COMMD10: variants seen among roughly 807,000 people sequenced by gnomAD.
The protein encoded by COMMD10 is COMM domain containing 10.
Under a neutral mutation model 28.9 loss-of-function variants are expected in COMMD10, and 33 were observed. The ratio of observed to expected loss-of-function variants is 1.14; its 90% CI spans 0.87 to 1.53. The LOEUF (loss-of-function observed/expected upper bound fraction) is 1.53, where lower values mean the gene tolerates loss of function less well. Ranked by LOEUF, COMMD10 falls within the 40% of genes most tolerant of loss-of-function variation. The pLI is 0.00. For synonymous variants in COMMD10, 110 were observed against 81.7 expected (o/e 1.35, Z -1.87); for missense variants, 310 against 233.4 (o/e 1.33, Z -2.14).
At position 116,175,491 on chromosome 5, in the gene COMMD10, A is replaced by G. The variant is rs576741906; in HGVS notation, c.510+41313A>G. ...TATGGCAGTTCATAAAAAATTATAC[A>G]TAGAATTACCATATGACCTAGCATT... On this transcript the variant is annotated intron_variant, in intron 5 of 6. Transcript: ENST00000274458. Among the ~76,000 whole-genome samples, 5 of 152,290 alleles carry G rather than the reference A, an allele frequency of 3.3e-5. 1 individual carries two copies. Among genetic ancestry groups the G allele is most frequent in the South Asian group, 2.1e-4 (1 of 4,822 alleles).
chr5:116,283,624 G>A (rs1751134921), intron 5 of COMMD10, among the ~76,000 whole-genome samples: 1 of 151,610 alleles, frequency 6.6e-6, no homozygotes, highest in African/African-American at 2.4e-5. Context: ...TGGTATTACA[G>A]GCTTAAGCCT....
At position 116,240,081 on chromosome 5, in the gene COMMD10, G is replaced by A. The variant is rs373693251; in HGVS notation, c.511-51436G>A. ...AAGTGAGCACAAGGACAGACAGGCAGAAAATAGTAGATCACTATGTGAGGC... is the reference window on the plus strand; with the variant it reads ...AAGTGAGCACAAGGACAGACAGGCAAAAAATAGTAGATCACTATGTGAGGC... On this transcript the variant is annotated intron_variant, in intron 5 of 6. Transcript: ENST00000274458. Among the ~76,000 whole-genome samples, 12 of 152,248 alleles carry A rather than the reference G, an allele frequency of 7.9e-5. No homozygotes were observed. In the East Asian group the frequency reaches 2.1e-3, roughly 27 times the overall value.
intron 4 of COMMD10, among the ~76,000 whole-genome samples, chr5:116,111,931 T>C (rs1751057106): frequency 6.6e-6 from 1 of 152,218 alleles, no homozygotes; most frequent in Non-Finnish European, 1.5e-5. Context: ...ATTTGTTTTA[T>C]GAATTTGGGT....
At chr5:116,181,113 C>A (rs921365464) in intron 5 of COMMD10, among the ~76,000 whole-genome samples, 2 of 152,014 alleles carry the variant, frequency 1.3e-5, no homozygotes, top group African/African-American at 4.8e-5. Flanking sequence ...CACTGTACTT[C>A]AGCCTGGGCG....
intron 5 of COMMD10, among the ~76,000 whole-genome samples, chr5:116,244,218 T>G (rs1325471852): frequency 2.6e-5 from 4 of 152,146 alleles, no homozygotes. Flanking sequence ...TTCATTTTTT[T>G]TCTTTTTTAA....
chr5:116,221,888 G>A (rs1749269551), intron 5 of COMMD10, among the ~76,000 whole-genome samples: 1 of 152,144 alleles, frequency 6.6e-6, no homozygotes, highest in South Asian at 2.1e-4. Context: ...CAGGTAGATA[G>A]GAAGGGAGGG....
chr5:116,243,112 C>T (rs1434867770), intron 5 of COMMD10, among the ~76,000 whole-genome samples: 1 of 152,144 alleles, frequency 6.6e-6, no homozygotes, highest in African/African-American at 2.4e-5. Flanking sequence ...ACTCATGGAA[C>T]AAATAGACAA....
intron 5 of COMMD10, among the ~76,000 whole-genome samples, chr5:116,156,519 T>C (rs1378417505): frequency 1.3e-5 from 2 of 152,174 alleles, no homozygotes; most frequent in African/African-American, 4.8e-5. Flanking sequence ...ACACCATTAT[T>C]TGAGCTGGAA....
intron 5 of COMMD10, among the ~76,000 whole-genome samples, chr5:116,203,815 G>A (rs995588583): frequency 2.6e-5 from 4 of 151,716 alleles, no homozygotes; most frequent in Non-Finnish European, 4.4e-5. Context: ...ATCGAGACTA[G>A]GAAGAAACTG....
At chr5:116,223,566 T>A (rs866374250) in intron 5 of COMMD10, among the ~76,000 whole-genome samples, 25 of 152,262 alleles carry the variant, frequency 1.6e-4, no homozygotes, top group African/African-American at 5.5e-4. Flanking sequence ...TTTTGGAACA[T>A]AGTCCAGGGA....
intron 5 of COMMD10, among the ~76,000 whole-genome samples, chr5:116,185,818 G>C (rs1445434960): frequency 1.3e-5 from 2 of 152,022 alleles, no homozygotes; most frequent in Non-Finnish European, 2.9e-5. Flanking sequence ...ATCTTTATTA[G>C]ACCCTTAATA....
chr5:116,146,708 T>A (rs746571087), intron 5 of COMMD10, among the ~76,000 whole-genome samples: 1 of 151,878 alleles, frequency 6.6e-6, no homozygotes, highest in African/African-American at 2.4e-5. Flanking sequence ...TTTTAGTCTT[T>A]TCAGATTTTT....
At chr5:116,231,288 G>A (rs1218051943) in intron 5 of COMMD10, among the ~76,000 whole-genome samples, 1 of 152,132 alleles carries the variant, frequency 6.6e-6, no homozygotes, top group African/African-American at 2.4e-5. Flanking sequence ...TGATGTAGCA[G>A]TTTTTAATAA....
chr5:116,264,302 A>G (rs1750525299), intron 5 of COMMD10, among the ~76,000 whole-genome samples: 1 of 151,840 alleles, frequency 6.6e-6, no homozygotes, highest in Non-Finnish European at 1.5e-5. Context: ...AATTTCGAAT[A>G]TACGTATGAA....
chr5:116,257,776 C>T (rs1750330867), intron 5 of COMMD10, among the ~76,000 whole-genome samples: 1 of 151,606 alleles, frequency 6.6e-6, no homozygotes, highest in Non-Finnish European at 1.5e-5. Context: ...TTAATTGAAA[C>T]ATAAGCAACA....
intron 5 of COMMD10, among the ~76,000 whole-genome samples, chr5:116,157,442 G>T (rs1444615029): frequency 6.6e-6 from 1 of 152,148 alleles, no homozygotes; most frequent in Non-Finnish European, 1.5e-5. Flanking sequence ...AGTTTGGGAT[G>T]ATTTTAATCA....
chr5:116,112,833 TTGTC>T (rs1050250599), intron 4 of COMMD10, among the ~76,000 whole-genome samples: 2 of 152,212 alleles, frequency 1.3e-5, no homozygotes, highest in African/African-American at 4.8e-5. Flanking sequence ...TTTGGGTTTT[TTGTC>T]TGTCTAAATT....
intron 5 of COMMD10, among the ~76,000 whole-genome samples, chr5:116,265,108 A>C (rs556466080): frequency 6.6e-6 from 1 of 151,924 alleles, no homozygotes; most frequent in Admixed American, 6.6e-5. Flanking sequence ...ACAATTTTGC[A>C]TTATTGGTGG....
chr5:116,108,958 T>A (rs1750942748), intron 4 of COMMD10, among the ~76,000 whole-genome samples: 1 of 152,130 alleles, frequency 6.6e-6, no homozygotes, highest in Admixed American at 6.5e-5. Flanking sequence ...GGGGATCTCC[T>A]GACCCGTTGT....
Sources: allele counts gnomAD v4.1 joint callset (sites outside exome capture counted in the v4.1 genomes callset), GRCh38; gene constraint gnomAD v4.1.1; transcripts MANE v1.5; gene names NCBI Gene and HGNC (gene_info 2026-07-23, HGNC 2026-07-21).